Variants in TPGS2 observed in about 807,000 individuals in gnomAD.
TPGS2 encodes polyglutamylase subunit 2.
Under a neutral mutation model 31.1 loss-of-function variants are expected in TPGS2, and 26 were observed. That is an observed-to-expected ratio of 0.84 (90% CI 0.61 to 1.16). TPGS2 has a LOEUF of 1.16. TPGS2 is among the 50% of genes most tolerant of loss of function. The pLI is 0.00. For synonymous variants in TPGS2, 130 were observed against 136.6 expected (o/e 0.95, Z 0.34); for missense variants, 351 against 363.8 (o/e 0.96, Z 0.29).
downstream of TPGS2, among the ~76,000 whole-genome samples, chr18:36,793,263 C>T (rs979917376): frequency 1.3e-5 from 2 of 152,136 alleles, no homozygotes; most frequent in Non-Finnish European, 2.9e-5. Context: ...TGTTCCTTAC[C>T]GCCCCATTCA....
At chr18:36,828,195 G>T (rs1031775327) in intron 1 of TPGS2, among the ~76,000 whole-genome samples, 1 of 152,170 alleles carries the variant, frequency 6.6e-6, no homozygotes, top group Non-Finnish European at 1.5e-5. Flanking sequence ...AGCAAACAAA[G>T]AAATGTTCGA....
At chr18:36,802,862 A>G (rs1033505574) in intron 4 of TPGS2, among the ~76,000 whole-genome samples, 4 of 152,096 alleles carry the variant, frequency 2.6e-5, no homozygotes, top group Non-Finnish European at 5.9e-5. Context: ...TCCTGACCTC[A>G]TGATTCGCCC....
chr18:36,815,373 A>G (rs1252879589), intron 2 of TPGS2, among the ~76,000 whole-genome samples: 1 of 152,174 alleles, frequency 6.6e-6, no homozygotes, highest in Non-Finnish European at 1.5e-5. Context: ...CCCATTTTGA[A>G]TGAAAAAATT....
chr18:36,784,190 G>A (rs2044078831), intron 6 of TPGS2, among the ~76,000 whole-genome samples: 1 of 152,216 alleles, frequency 6.6e-6, no homozygotes, highest in Admixed American at 6.5e-5. Flanking sequence ...AAACCACCAA[G>A]CTTGTGGTGA....
In TPGS2 at chr18:36,795,449, A is replaced by G. The variant is rs541105842; in HGVS notation, c.*1356T>C. 735 of 985,440 alleles carry G rather than the reference A, an allele frequency of 7.5e-4. 1 individual carries two copies. The highest frequency in any genetic ancestry group is 1.0e-3 in the Middle Eastern group (2 of 1,914). 61.0% of individuals were successfully genotyped at this position (985,440 alleles called of 1,614,324 possible). ...ATTCTCTAACCTCTGGGACTTCAGTACAAAAACTGCAGCCACCCAAAGAAC... is the reference window on the plus strand; with the variant it reads ...ATTCTCTAACCTCTGGGACTTCAGTGCAAAAACTGCAGCCACCCAAAGAAC... On this transcript the variant is annotated 3_prime_UTR_variant, in exon 7 of 7. Coordinates refer to ENST00000334295, the MANE Select transcript of TPGS2 (RefSeq NM_015476.4).
chr18:36,804,861 G>T (rs1277800394), intron 4 of TPGS2, among the ~76,000 whole-genome samples: 1 of 152,046 alleles, frequency 6.6e-6, no homozygotes, highest in African/African-American at 2.4e-5. Context: ...CAGGTATTTT[G>T]CCCTTTGCCG....
At chr18:36,815,392 A>G (rs2045606819) in intron 2 of TPGS2, among the ~76,000 whole-genome samples, 1 of 152,028 alleles carries the variant, frequency 6.6e-6, no homozygotes, top group South Asian at 2.1e-4. Flanking sequence ...TTATACAAAA[A>G]CCTGTTTTAA....
intron 2 of TPGS2, among the ~76,000 whole-genome samples, chr18:36,809,345 G>A (rs528546974): frequency 5.9e-5 from 9 of 152,186 alleles, no homozygotes; most frequent in East Asian, 1.9e-4. Flanking sequence ...CAAGCTTGCC[G>A]GAGATTTTAA....
At chr18:36,798,025 G>A in intron 6 of TPGS2, 1 of 355,220 alleles carries the variant, frequency 2.8e-6, no homozygotes, top group Non-Finnish European at 4.1e-6. Flanking sequence ...AAGTGTGCAT[G>A]CATGCTTTAT....
At chr18:36,786,282 G>A (rs567411824) in intron 6 of TPGS2, among the ~76,000 whole-genome samples, 24 of 152,272 alleles carry the variant, frequency 1.6e-4, no homozygotes, top group African/African-American at 4.8e-4. Context: ...ATGCAGTGGC[G>A]CAATCTCGGT....
chr18:36,802,956 G>T (rs1345216759), intron 4 of TPGS2, among the ~76,000 whole-genome samples: 2 of 151,842 alleles, frequency 1.3e-5, no homozygotes, highest in Non-Finnish European at 2.9e-5. Context: ...TTTTTTTAAA[G>T]TTTTATTTTT....
chr18:36,798,318 A>T, intron 6 of TPGS2, 131 bp downstream of exon 6: 2 of 1,515,572 alleles, frequency 1.3e-6, no homozygotes, highest in Non-Finnish European at 8.8e-7. Context: ...GCTTATTGAA[A>T]ATGCAGGTTC....
chr18:36,826,404 CTGTGTGTG>C (rs34742069), intron 1 of TPGS2, among the ~76,000 whole-genome samples: 60 of 146,442 alleles, frequency 4.1e-4, no homozygotes, highest in South Asian at 4.0e-3. Flanking sequence ...GGTGTATAGG[CTGTGTGTG>C]TGTGTGTGTG....
downstream of TPGS2, among the ~76,000 whole-genome samples, chr18:36,793,894 C>T (rs545274899): frequency 5.9e-5 from 9 of 151,962 alleles, no homozygotes; most frequent in South Asian, 6.2e-4. Flanking sequence ...CCCGCCACCA[C>T]GCCCGGCTAA....
intron 2 of TPGS2, among the ~76,000 whole-genome samples, chr18:36,814,910 C>G (rs2045587294): frequency 6.6e-6 from 1 of 152,234 alleles, no homozygotes; most frequent in African/African-American, 2.4e-5. Flanking sequence ...CCTTCCATAG[C>G]TGAGTTTCAG....
In TPGS2 at chr18:36,806,808, G is replaced by C. The variant is rs1040439860; in HGVS notation, c.253+1039C>G. Among the ~76,000 whole-genome samples, 4 of 127,552 alleles carry C rather than the reference G, an allele frequency of 3.1e-5. No individual in the cohort carries two copies. The East Asian group carries it at 9.4e-4, about 30-fold the overall frequency. 83.7% of individuals were successfully genotyped at this position (127,552 alleles called of 152,430 possible). A position where few individuals can be genotyped will look rare whatever the true frequency, so the allele number is the denominator to read the frequency against. Reference sequence around the variant, plus strand: ...GGAGGTTGCAGTGAGCAGAGATCGCGCCACTGTACTCCAGCTTGGGCAACA... The same window carrying C: ...GGAGGTTGCAGTGAGCAGAGATCGCCCCACTGTACTCCAGCTTGGGCAACA... On this transcript the variant is annotated intron_variant, in intron 3 of 6. Transcript: ENST00000334295.
chr18:36,816,510 C>T (rs1212669050), intron 2 of TPGS2, among the ~76,000 whole-genome samples: 1 of 152,204 alleles, frequency 6.6e-6, no homozygotes, highest in African/African-American at 2.4e-5. Flanking sequence ...TAGTGTTCCA[C>T]CCTAGACAAG....
Position 36,795,857 on chromosome 18 carries a change from G to A in TPGS2, c.*948C>T, listed in dbSNP as rs892796867. 9.1e-6 allele frequency: 9 copies of A among 985,338 alleles called. No individual in the cohort carries two copies. The African/African-American group carries it at 1.0e-4, about 11-fold the overall frequency. 61.0% of individuals were successfully genotyped at this position (985,338 alleles called of 1,614,324 possible). A position where few individuals can be genotyped will look rare whatever the true frequency, so the allele number is the denominator to read the frequency against. On this transcript the variant is annotated 3_prime_UTR_variant, in exon 7 of 7. Coordinates refer to ENST00000334295, the MANE Select transcript of TPGS2 (RefSeq NM_015476.4). Reference sequence around the variant, plus strand: ...AGCTGTGAAGAGGCAGGCAGAGCAGGTGGAAAGCTTCTGTTAACAGTGTCT... The same window carrying A: ...AGCTGTGAAGAGGCAGGCAGAGCAGATGGAAAGCTTCTGTTAACAGTGTCT...
chr18:36,782,591 G>A (rs1174053446), downstream of TPGS2, among the ~76,000 whole-genome samples: 1 of 152,042 alleles, frequency 6.6e-6, no homozygotes, highest in Non-Finnish European at 1.5e-5. Context: ...TCTTTTTTTG[G>A]TGGGGAGATG....
Sources: gnomAD v4.1 joint callset for allele counts (sites outside exome capture counted in the v4.1 genomes callset) on GRCh38, gnomAD v4.1.1 for gene constraint, MANE v1.5 for transcripts, NCBI Gene and HGNC (gene_info 2026-07-23, HGNC 2026-07-21) for gene names.